Variants in ZNF516 observed in about 807,000 individuals in gnomAD.
ZNF516 encodes zinc finger protein 516.
A neutral mutation model predicts 79.7 loss-of-function variants in ZNF516; 19 were observed. That is an observed-to-expected ratio of 0.24 (90% CI 0.17 to 0.35). The LOEUF (loss-of-function observed/expected upper bound fraction) is 0.35, where lower values mean the gene tolerates loss of function less well. Among genes scored for constraint, ZNF516 ranks in the 10% least tolerant of loss-of-function variants. ZNF516 has a pLI of 1.00. For synonymous variants in ZNF516, 877 were observed against 739.5 expected, an observed-to-expected ratio of 1.19 and a Z score of -3.02; for missense variants, 1,678 against 1,679.5, an observed-to-expected ratio of 1.00 and a Z score of 0.02.
At chr18:76,464,716 G>T (rs571507628) in intron 1 of ZNF516, among the ~76,000 whole-genome samples, 1 of 149,350 alleles carries the variant, frequency 6.7e-6, no homozygotes, top group East Asian at 2.0e-4. Context: ...CCCCCAGCCT[G>T]GCCATTTCAG....
intron 1 of ZNF516, among the ~76,000 whole-genome samples, chr18:76,479,568 C>G (rs781045682): frequency 1.3e-5 from 2 of 152,218 alleles, no homozygotes; most frequent in Admixed American, 6.5e-5. Context: ...GCGTTCGTAA[C>G]GGGCCAGAAG....
intron 2 of ZNF516, among the ~76,000 whole-genome samples, chr18:76,454,923 A>G (rs1031826211): frequency 1.3e-5 from 2 of 152,244 alleles, no homozygotes; most frequent in Non-Finnish European, 2.9e-5. Flanking sequence ...TTTCTAAGCC[A>G]AAACATCTTG....
In ZNF516 at chr18:76,361,665, T is replaced by TA. The variant is rs2074539280; in HGVS notation, c.*832dup. The stretch of plus-strand genomic sequence containing the variant: ...TGTTAAGACGTATAGTCTTCCTTTG[T>TA]AAGCAGTTTGCAGAATGTAGCCCTG... On this transcript the variant is annotated 3_prime_UTR_variant, in exon 7 of 7. Transcript: ENST00000443185. The TA allele has an allele frequency of 6.6e-6, 1 of 152,252 alleles. No homozygotes were observed. Among genetic ancestry groups the TA allele is most frequent in the South Asian group, 2.1e-4 (1 of 4,834 alleles). The allele number at this position is 152,252 out of a possible 1,614,324, so 9.4% of individuals were successfully genotyped here.
chr18:76,404,560 TTG>T (rs1555702663), intron 3 of ZNF516, among the ~76,000 whole-genome samples: 1 of 151,494 alleles, frequency 6.6e-6, no homozygotes, highest in Non-Finnish European at 1.5e-5. Context: ...GTGCATGTGT[TTG>T]TATGTTTGTG....
At chr18:76,385,032 C>G (rs1004091924) in intron 3 of ZNF516, among the ~76,000 whole-genome samples, 1 of 152,252 alleles carries the variant, frequency 6.6e-6, no homozygotes, top group African/African-American at 2.4e-5. Context: ...CCCATGCTCT[C>G]CGGGTGCACG....
chr18:76,408,610 G>C (rs1319286839), intron 3 of ZNF516, among the ~76,000 whole-genome samples: 1 of 152,214 alleles, frequency 6.6e-6, no homozygotes, highest in Non-Finnish European at 1.5e-5. Context: ...CCAAGACTGT[G>C]TGAGACACTG....
intron 1 of ZNF516, among the ~76,000 whole-genome samples, chr18:76,469,436 T>C (rs1333747976): frequency 6.6e-6 from 1 of 152,220 alleles, no homozygotes; most frequent in East Asian, 1.9e-4. Context: ...GATTTTAGGT[T>C]ACATATTTTC....
chr18:76,430,176 T>G (rs1293732096), intron 3 of ZNF516, among the ~76,000 whole-genome samples: 1 of 152,234 alleles, frequency 6.6e-6, no homozygotes, highest in African/African-American at 2.4e-5. Flanking sequence ...GGCCTTGATT[T>G]CAGTCTCATG....
At chr18:76,374,641 A>T (rs1361595490) in intron 4 of ZNF516, among the ~76,000 whole-genome samples, 2 of 152,228 alleles carry the variant, frequency 1.3e-5, no homozygotes, top group East Asian at 3.8e-4. Flanking sequence ...AAATCACAGA[A>T]TCACACTTCT....
At chr18:76,394,963 A>G (rs999279264) in intron 3 of ZNF516, among the ~76,000 whole-genome samples, 3 of 152,128 alleles carry the variant, frequency 2.0e-5, no homozygotes, top group African/African-American at 7.2e-5. Context: ...GACTGGAAGA[A>G]CCGGATGATA....
At chr18:76,495,915 A>G (rs1014642902), upstream of ZNF516, 1 of 350,818 alleles carries the variant, frequency 2.9e-6, no homozygotes, top group African/African-American at 2.2e-5. Context: ...GTCCCGCTGG[A>G]AAGACTTCAA....
At chr18:76,405,383 G>A (rs758652193) in intron 3 of ZNF516, among the ~76,000 whole-genome samples, 2 of 152,132 alleles carry the variant, frequency 1.3e-5, no homozygotes, top group Non-Finnish European at 1.5e-5. Context: ...ACCCACCAGT[G>A]CTACCCGCAT....
In ZNF516 at chr18:76,441,336, G is replaced by A. The variant is rs372924540; in HGVS notation, c.1719C>T (p.Ser573=). ...DSASQPSSPG[S]ACAAADSPGS... ...CCGGGGAGTCAGCAGCGGCACAGGC[G>A]GAGCCAGGGCTGCTGGGCTGGGAGG... Residue 573 remains serine (S), a synonymous_variant, in exon 3 of 7, where the codon TCC becomes TCT. Coordinates refer to ENST00000443185, the MANE Select transcript of ZNF516 (RefSeq NM_014643.4). The A allele has an allele frequency of 1.6e-5, 26 of 1,611,610 alleles. No individual in the cohort carries two copies. Among genetic ancestry groups the A allele is most frequent in the Non-Finnish European group, 1.9e-5 (23 of 1,179,520 alleles).
chr18:76,391,041 G>C (rs62110872), intron 3 of ZNF516, among the ~76,000 whole-genome samples: 35,573 of 152,002 alleles, frequency 0.23, 4,800 homozygotes, highest in African/African-American at 0.38. Context: ...GGAGGGCCAC[G>C]AGGGAAGGAA....
intron 3 of ZNF516, among the ~76,000 whole-genome samples, chr18:76,418,261 C>A (rs763850330): frequency 6.6e-6 from 1 of 151,780 alleles, no homozygotes; most frequent in Non-Finnish European, 1.5e-5. Context: ...TAACATACAC[C>A]GTAACACACT....
At chr18:76,448,657 C>T (rs975836730) in intron 2 of ZNF516, among the ~76,000 whole-genome samples, 5 of 152,148 alleles carry the variant, frequency 3.3e-5, no homozygotes, top group African/African-American at 9.7e-5. Flanking sequence ...CTTCAGGTGA[C>T]GGCAGGCTCC....
At chr18:76,368,173 C>T (rs1171851381) in intron 6 of ZNF516, among the ~76,000 whole-genome samples, 1 of 152,122 alleles carries the variant, frequency 6.6e-6, no homozygotes, top group Non-Finnish European at 1.5e-5. Flanking sequence ...ATTGTGGTTT[C>T]TGTAAACAAT....
intron 1 of ZNF516, chr18:76,492,327 T>C (rs1177460635): frequency 1.0e-6 from 1 of 985,342 alleles, no homozygotes; most frequent in Non-Finnish European, 1.2e-6. Context: ...AGAAAGTCGG[T>C]GCCACAGTAA....
chr18:76,377,514 G>A (rs575860226), intron 4 of ZNF516, among the ~76,000 whole-genome samples: 1 of 152,332 alleles, frequency 6.6e-6, no homozygotes, highest in East Asian at 1.9e-4. Flanking sequence ...CTGAAACCCC[G>A]GCCTAAGCCA....
Sources: gnomAD v4.1 joint callset for allele counts (sites outside exome capture counted in the v4.1 genomes callset) on GRCh38, gnomAD v4.1.1 for gene constraint, MANE v1.5 for transcripts, NCBI Gene and HGNC (gene_info 2026-07-23, HGNC 2026-07-21) for gene names.